Variants in SHANK2 observed in about 807,000 individuals in gnomAD.
The protein encoded by SHANK2 is SH3 and multiple ankyrin repeat domains protein 2.
Under a neutral mutation model 133.7 loss-of-function variants are expected in SHANK2, and 43 were observed. That is an observed-to-expected ratio of 0.32 (90% confidence interval 0.25 to 0.41). The LOEUF (loss-of-function observed/expected upper bound fraction) is 0.41, where lower values mean the gene tolerates loss of function less well. SHANK2 is among the 10% of genes least tolerant of loss of function. The pLI is 1.00. For synonymous variants in SHANK2, 1,017 were observed against 952.8 expected (o/e 1.07, Z -1.24); for missense variants, 1,994 against 2,235.8 (o/e 0.89, Z 2.18).
rs115177784 is a variant in SHANK2 at position 70,582,289 on chromosome 11, C to T, written c.2061+77539G>A. Among the ~76,000 whole-genome samples the T allele has an allele frequency of 8.4e-4, 128 of 152,370 alleles. 1 individual carries two copies. In the East Asian group the frequency reaches 0.017, roughly 20 times the overall value. Reference sequence around the variant, plus strand: ...CTAACTGTCCCCACACATCCGGGGCCTCCAAGCCGCTAACTCTACTACTGC... The same window carrying T: ...CTAACTGTCCCCACACATCCGGGGCTTCCAAGCCGCTAACTCTACTACTGC... On this transcript the variant is annotated intron_variant, in intron 17 of 25. Transcript: ENST00000601538.
chr11:70,745,460 G>A lies in SHANK2; in HGVS notation c.1778-46697C>T, dbSNP rs919078741. On this transcript the variant is annotated intron_variant, in intron 14 of 25. Transcript: ENST00000601538. The stretch of plus-strand genomic sequence containing the variant: ...CCTCAAAACAAACCTCCGGGCCTCC[G>A]TCCCCTCCTCCTGCTGCCTTGAAAA... 5.3e-5 allele frequency among the ~76,000 whole-genome samples: 8 copies of A among 152,288 alleles called. No homozygotes were observed. In the East Asian group the frequency reaches 5.8e-4, roughly 11 times the overall value.
Position 70,768,389 on chromosome 11 carries a change from C to G in SHANK2, c.1777+30054G>C, listed in dbSNP as rs59736743. Among the ~76,000 whole-genome samples, 6 of 152,338 alleles carry G rather than the reference C, an allele frequency of 3.9e-5. No individual in the cohort carries two copies. The East Asian group carries it at 9.6e-4, about 24-fold the overall frequency. Reference sequence around the variant, plus strand: ...AGCTCCCCAAATCAGCCAAGTAATTCTGGCCACAAGAGTGTCACCACACCA... The same window carrying G: ...AGCTCCCCAAATCAGCCAAGTAATTGTGGCCACAAGAGTGTCACCACACCA... On this transcript the variant is annotated intron_variant, in intron 14 of 25. Transcript: ENST00000601538.
chr11:70,941,365 A>G (rs1950644725), intron 10 of SHANK2, among the ~76,000 whole-genome samples: 1 of 152,212 alleles, frequency 6.6e-6, no homozygotes, highest in Non-Finnish European at 1.5e-5. Context: ...CGTGTGTTGA[A>G]AGCAAAATAT....
At chr11:71,191,760 T>C (rs1295090739) in intron 2 of SHANK2, among the ~76,000 whole-genome samples, 1 of 152,158 alleles carries the variant, frequency 6.6e-6, no homozygotes, top group East Asian at 1.9e-4. Context: ...AGTTTCACCA[T>C]GTTGGCCAGG....
rs377072804 is a variant in SHANK2, at chr11:71,094,601, C to T, written c.680G>A (p.Arg227His). The change falls in exon 7 of 26, where the codon CGT becomes CAT. Residue 227 changes from arginine to histidine, a missense_variant. Physicochemically the swap from Arg to His is conservative, Grantham distance 29. Around this residue, in one of 5 missense-constraint regions of SHANK2, gnomAD observed 653 missense variants for 563.4 expected, o/e 1.16. Coordinates refer to ENST00000601538, the MANE Select transcript of SHANK2 (RefSeq NM_012309.5). ...LKNGGAHLDF[R>H]AKDGMTALHK... ...TAGGGCGGTCATCCCATCTTTGGCA[C>T]GGAAGTCCAGGTGAGCTCCACCATT... The T allele has an allele frequency of 2.0e-5, 31 of 1,551,632 alleles. No individual in the cohort carries two copies. The highest frequency in any genetic ancestry group is 2.7e-5 in the African/African-American group (2 of 73,144).
At chr11:70,954,776 T>A (rs916502326) in intron 10 of SHANK2, among the ~76,000 whole-genome samples, 1 of 152,222 alleles carries the variant, frequency 6.6e-6, no homozygotes, top group African/African-American at 2.4e-5. Flanking sequence ...AACTGGAAAT[T>A]CAGTTCTTTG....
intron 6 of SHANK2, among the ~76,000 whole-genome samples, chr11:71,108,944 C>T (rs112612486): frequency 0.011 from 1,642 of 152,334 alleles, 30 homozygotes; most frequent in African/African-American, 0.037. Context: ...CGGGCCCCCC[C>T]CCAGCGTTCA....
At chr11:70,554,334 G>C (rs1264344686) in intron 17 of SHANK2, among the ~76,000 whole-genome samples, 1 of 152,202 alleles carries the variant, frequency 6.6e-6, no homozygotes, top group African/African-American at 2.4e-5. Context: ...CACCCACAGT[G>C]CAGCTTCAGG....
intron 2 of SHANK2, among the ~76,000 whole-genome samples, chr11:71,184,777 G>A (rs1204525999): frequency 6.6e-6 from 1 of 152,180 alleles, no homozygotes; most frequent in Non-Finnish European, 1.5e-5. Flanking sequence ...TGAACATTCT[G>A]GGTCAGCATG....
At chr11:70,918,113 A>T (rs1490334673) in intron 10 of SHANK2, among the ~76,000 whole-genome samples, 1 of 151,942 alleles carries the variant, frequency 6.6e-6, no homozygotes, top group African/African-American at 2.4e-5. Flanking sequence ...GAGGACCCTG[A>T]CCCAGGAAAG....
At chr11:71,091,506 C>A (rs185551853) in intron 8 of SHANK2, among the ~76,000 whole-genome samples, 6 of 152,234 alleles carry the variant, frequency 3.9e-5, no homozygotes, top group Admixed American at 1.3e-4. Context: ...AAGCAAGAAA[C>A]CAGTCAGGGC....
intron 14 of SHANK2, among the ~76,000 whole-genome samples, chr11:70,736,605 C>A (rs1240422475): frequency 6.6e-6 from 1 of 152,200 alleles, no homozygotes; most frequent in Non-Finnish European, 1.5e-5. Context: ...CCTCCCCTAG[C>A]AACTGTGGAG....
chr11:71,203,906 T>A (rs1358505970), intron 2 of SHANK2, among the ~76,000 whole-genome samples: 6 of 152,100 alleles, frequency 3.9e-5, no homozygotes, highest in African/African-American at 1.4e-4. Context: ...CTGTCACACA[T>A]CTTTGGGGGG....
At chr11:70,797,640 G>A (rs1947941620) in intron 14 of SHANK2, among the ~76,000 whole-genome samples, 1 of 152,170 alleles carries the variant, frequency 6.6e-6, no homozygotes, top group South Asian at 2.1e-4. Flanking sequence ...CAGGGCAATG[G>A]GCCCGTTTGG....
At chr11:70,874,283 T>C (rs1555070773) in intron 11 of SHANK2, among the ~76,000 whole-genome samples, 1 of 151,770 alleles carries the variant, frequency 6.6e-6, no homozygotes, top group African/African-American at 2.4e-5. Context: ...TAATCTAATC[T>C]AATCTATCTA....
chr11:71,221,177 G>A (rs1156906250), intron 2 of SHANK2, among the ~76,000 whole-genome samples: 2 of 151,122 alleles, frequency 1.3e-5, no homozygotes, highest in African/African-American at 4.9e-5. Context: ...CTCCAGCCTG[G>A]GCAACACAGT....
At chr11:70,917,722 G>A (rs1406784647) in intron 10 of SHANK2, among the ~76,000 whole-genome samples, 4 of 152,154 alleles carry the variant, frequency 2.6e-5, no homozygotes, top group African/African-American at 4.8e-5. Flanking sequence ...GATGAAGCTC[G>A]AGGCCATTAT....
intron 25 of SHANK2, chr11:70,474,212 G>GTTATT (rs1820659519): frequency 6.5e-6 from 1 of 153,660 alleles, no homozygotes; most frequent in Non-Finnish European, 1.4e-5. Context: ...GGTACCCTGT[G>GTTATT]TTATTTTTAG....
At chr11:70,663,072 G>A (rs901320202) in intron 15 of SHANK2, among the ~76,000 whole-genome samples, 1 of 152,182 alleles carries the variant, frequency 6.6e-6, no homozygotes. Context: ...CCTCGGGGGT[G>A]AGGAGAAAGG....
Sources: allele counts gnomAD v4.1 joint callset (sites outside exome capture counted in the v4.1 genomes callset), GRCh38; gene constraint gnomAD v4.1.1; regional missense constraint gnomAD v4.1.1; transcripts MANE v1.5; gene names NCBI Gene and HGNC (gene_info 2026-07-23, HGNC 2026-07-21).